Variants in MCRS1 observed in about 807,000 individuals in gnomAD.
MCRS1 encodes 58 kDa microspherule protein.
A neutral mutation model predicts 62.9 loss-of-function variants in MCRS1; 22 were observed. The observed-to-expected ratio is 0.35, with a 90% CI of 0.25 to 0.50. The LOEUF (loss-of-function observed/expected upper bound fraction) is 0.50, where lower values mean the gene tolerates loss of function less well. MCRS1 is among the 20% of genes least tolerant of loss of function. MCRS1 has a pLI of 0.98. For synonymous variants in MCRS1, 244 were observed against 233.5 expected, an observed-to-expected ratio of 1.04 and a Z score of -0.41; for missense variants, 456 against 601.1, an observed-to-expected ratio of 0.76 and a Z score of 2.52.
At chr12:49,563,751 G>A (rs935244509) in intron 6 of MCRS1, among the ~76,000 whole-genome samples, 6 of 152,164 alleles carry the variant, frequency 3.9e-5, no homozygotes, top group African/African-American at 1.4e-4. Flanking sequence ...GAAAACGGAG[G>A]CCCCTATGTC....
At position 49,558,568 on chromosome 12, in the gene MCRS1, G is replaced by C; in HGVS notation, c.*75C>G. 6.7e-7 allele frequency: 1 copy of C among 1,493,904 alleles called. No individual in the cohort carries two copies. The highest frequency in any genetic ancestry group is 9.2e-7 in the Non-Finnish European group (1 of 1,086,938). 92.5% of individuals were successfully genotyped at this position (1,493,904 alleles called of 1,614,324 possible). On this transcript the variant is annotated 3_prime_UTR_variant, in exon 15 of 15. Coordinates refer to ENST00000343810, the MANE Select transcript of MCRS1 (RefSeq NM_006337.5). ...ACTGCCCAGGTTTTTCCAGGAGCCT[G>C]AGTTCCCAGCTCAAGGGGGCTGGAG...
chr12:49,563,231 A>G, intron 7 of MCRS1, 92 bp from the exon 8 acceptor site: 1 of 1,516,606 alleles, frequency 6.6e-7, no homozygotes, highest in Non-Finnish European at 8.9e-7. Flanking sequence ...AGCATCCCCC[A>G]GGAGCTGGAA....
rs1939045804 is a variant in MCRS1, at chr12:49,566,138, C to T, written c.88G>A (p.Gly30Arg). The T allele has an allele frequency of 8.1e-6, 13 of 1,614,242 alleles. No homozygotes were observed. The highest frequency in any genetic ancestry group is 1.1e-5 in the Non-Finnish European group (13 of 1,180,044). The change falls in exon 3 of 15, where the codon GGG becomes AGG. Residue 30 changes from glycine (G) to arginine (R), a missense_variant. Physicochemically the swap from Gly to Arg is moderately radical, Grantham distance 125 (BLOSUM62 -2). Around this residue, in one of 3 missense-constraint regions of MCRS1, gnomAD observed 55 missense variants for 49.3 expected, o/e 1.12. Coordinates refer to ENST00000343810, the MANE Select transcript of MCRS1 (RefSeq NM_006337.5). ...SRSEDEESLA[G>R]QKRASSQALG... ...GCCTGGGAGGAGGCTCGCTTCTGCCCTGCCAGTGACTCCTCATCCTCTGAG... is the reference window on the plus strand; with the variant it reads ...GCCTGGGAGGAGGCTCGCTTCTGCCTTGCCAGTGACTCCTCATCCTCTGAG...
chr12:49,560,902 T>A (rs1373398429), intron 8 of MCRS1, among the ~76,000 whole-genome samples: 1 of 152,176 alleles, frequency 6.6e-6, no homozygotes, highest in African/African-American at 2.4e-5. Context: ...GCCGCCCACC[T>A]TAAGCCAATG....
chr12:49,564,489 G>A lies in MCRS1; in HGVS notation c.549C>T (p.Val183=), dbSNP rs745531796. 1 of 1,612,438 alleles carries A rather than the reference G, an allele frequency of 6.2e-7. No homozygotes were observed. The highest frequency in any genetic ancestry group is 1.7e-5 in the Admixed American group (1 of 59,898). The change falls in exon 6 of 15, where the codon GTC becomes GTT. Residue 183 remains valine, a synonymous_variant. Coordinates refer to ENST00000343810, the MANE Select transcript of MCRS1 (RefSeq NM_006337.5). Reference sequence around the variant, plus strand: ...AACCAGCTCCCACTCACTTGGAGATGACAGGATCGTAGAGCAGGGCGTACC... The same window carrying A: ...AACCAGCTCCCACTCACTTGGAGATAACAGGATCGTAGAGCAGGGCGTACC... ...ERWYALLYDP[V]ISKLACQAMR... is the part of the protein sequence containing the mutation.
intron 1 of MCRS1, 154 bp downstream of exon 1, chr12:49,567,894 A>G (rs1175447843): frequency 6.6e-6 from 1 of 152,198 alleles, no homozygotes. Context: ...GCCAGATTCT[A>G]ACCCGGTCCG....
intron 2 of MCRS1, 177 bp from the exon 3 acceptor site, chr12:49,566,392 T>C (rs1939063534): frequency 1.3e-6 from 2 of 1,575,124 alleles, no homozygotes; most frequent in Admixed American, 1.9e-5. Flanking sequence ...GGCTCAGACC[T>C]GGCCCAGACC....
At position 49,566,075 on chromosome 12, in the gene MCRS1, A is replaced by C. The variant is rs1592530053; in HGVS notation, c.149+2T>G. On this transcript the variant is annotated splice_donor_variant, in intron 3 of 14. Coordinates refer to ENST00000343810, the MANE Select transcript of MCRS1 (RefSeq NM_006337.5). LOFTEE classifies it high-confidence loss of function. ...GTTCCTGGCCCTCCGAACCCTTACT[A>C]CCTGGAGGAGCTTCTCCGTTTAGGG... 1 of 1,613,374 alleles carries C rather than the reference A, an allele frequency of 6.2e-7. No homozygotes were observed. Among genetic ancestry groups the C allele is most frequent in the East Asian group, 2.2e-5 (1 of 44,862 alleles).
In MCRS1 at chr12:49,559,570, T is replaced by C. The variant is rs557620508; in HGVS notation, c.1004-35A>G. 3.9e-4 allele frequency: 631 copies of C among 1,605,436 alleles called. 10 individuals carry two copies. The South Asian group carries it at 6.6e-3, about 17-fold the overall frequency. On this transcript the variant is annotated intron_variant, in intron 11 of 14. Transcript: ENST00000343810. This position sits in a 1 kb window ranked among gnomAD's most constrained non-coding sequence, Gnocchi z 5.2. ...GAGGGAGTTTGGAAGAGCCTACCCC[T>C]GAGGGCCAGAATGCAAGGCAGGGAA...
chr12:49,563,690 C>T, intron 6 of MCRS1, 144 bp from the exon 7 acceptor site: 1 of 631,144 alleles, frequency 1.6e-6, no homozygotes, highest in Non-Finnish European at 2.8e-6. Flanking sequence ...TAAGGCTTAG[C>T]AGATAATCTG....
chr12:49,561,496 G>A (rs1215161774), intron 8 of MCRS1, among the ~76,000 whole-genome samples: 1 of 152,164 alleles, frequency 6.6e-6, no homozygotes, highest in Non-Finnish European at 1.5e-5. Flanking sequence ...CCTATTCCTA[G>A]GGTCTCCTAG....
In MCRS1 at chr12:49,565,560, C is replaced by G; in HGVS notation, c.257G>C (p.Gly86Ala). 1 of 1,608,092 alleles carries G rather than the reference C, an allele frequency of 6.2e-7. No homozygotes were observed. The highest frequency in any genetic ancestry group is 8.5e-7 in the Non-Finnish European group (1 of 1,176,908). ...CTTCTCACTGGAGGAGGGTTCACTC[C>G]CCGAACAGCGCCCTGGTTCCACCCC... Reference protein sequence around the residue: ...ASGVEPGRCSGSEPSSSEKKK... With the variant: ...ASGVEPGRCSASEPSSSEKKK... Residue 86 changes from glycine to alanine, a missense_variant, in exon 4 of 15, where the codon GGG (glycine) becomes GCG (alanine). Physicochemically the swap from Gly to Ala is moderately conservative, Grantham distance 60. Coordinates refer to ENST00000343810, the MANE Select transcript of MCRS1 (RefSeq NM_006337.5).
rs1249371353 is a variant in MCRS1, at chr12:49,566,710, G to A, written c.10+12C>T. 3 of 1,613,938 alleles carry A rather than the reference G, an allele frequency of 1.9e-6. No individual in the cohort carries two copies. Among genetic ancestry groups the A allele is most frequent in the Non-Finnish European group, 2.5e-6 (3 of 1,179,954 alleles). ...CCCGAGCATTTGGGGAGCTGTCCCG[G>A]CCTCATACTACCTTTGTCCATCCTC... On this transcript the variant is annotated intron_variant, in intron 2 of 14. Coordinates refer to ENST00000343810, the MANE Select transcript of MCRS1 (RefSeq NM_006337.5).
chr12:49,565,506 C>T (rs2138201200), intron 4 of MCRS1, 23 bp downstream of exon 4: 9 of 1,563,202 alleles, frequency 5.8e-6, no homozygotes, highest in Non-Finnish European at 6.9e-6. Flanking sequence ...ACCTCCCATC[C>T]CCTAAGTCTC....
chr12:49,562,628 T>C (rs1938829122), intron 8 of MCRS1, among the ~76,000 whole-genome samples: 1 of 152,126 alleles, frequency 6.6e-6, no homozygotes, highest in East Asian at 1.9e-4. Flanking sequence ...AACTGAAGGG[T>C]GGGCAGGAAA....
In MCRS1 at chr12:49,566,361, T is replaced by C. The variant is rs550831539; in HGVS notation, c.11-146A>G. Reference sequence around the variant, plus strand: ...CTTGAGGTTTTAAGGTAGAGTTCCTTGGCCATCCAGATCCCATCTGGGCTC... The same window carrying C: ...CTTGAGGTTTTAAGGTAGAGTTCCTCGGCCATCCAGATCCCATCTGGGCTC... On this transcript the variant is annotated intron_variant, in intron 2 of 14. Coordinates refer to ENST00000343810, the MANE Select transcript of MCRS1 (RefSeq NM_006337.5). 31 of 1,571,046 alleles carry C rather than the reference T, an allele frequency of 2.0e-5. No homozygotes were observed. In the East Asian group the frequency reaches 2.5e-4, roughly 13 times the overall value.
rs1400372672 is a variant in MCRS1, at chr12:49,563,063, G to A, written c.743C>T (p.Ala248Val). The part of the protein sequence containing the change: ...HPDAFYLART[A>V]KALQAHWQLM... Reference sequence around the variant, plus strand: ...CTGCCAGTGGGCCTGCAGGGCCTTCGCGGTACGGGCCAGGTAGAAGGCATC... The same window carrying A: ...CTGCCAGTGGGCCTGCAGGGCCTTCACGGTACGGGCCAGGTAGAAGGCATC... The change falls in exon 8 of 15, where the codon GCG becomes GTG. Residue 248 changes from alanine to valine, a missense_variant. Ala to Val is a moderately conservative substitution (Grantham distance 64). Around this residue, in one of 3 missense-constraint regions of MCRS1, gnomAD observed 393 missense variants for 523.5 expected, o/e 0.75. Transcript: ENST00000343810. The A allele has an allele frequency of 3.2e-6, 5 of 1,579,242 alleles. No individual in the cohort carries two copies. Among genetic ancestry groups the A allele is most frequent in the Non-Finnish European group, 4.3e-6 (5 of 1,160,412 alleles).
intron 1 of MCRS1, 135 bp from the exon 2 acceptor site, chr12:49,566,976 A>T: frequency 1.8e-6 from 1 of 569,218 alleles, no homozygotes; most frequent in South Asian, 2.0e-5. Context: ...ATAAGGCCCC[A>T]CTCTGCCAAT....
chr12:49,566,624 C>T, intron 2 of MCRS1, 98 bp downstream of exon 2: 1 of 1,573,662 alleles, frequency 6.4e-7, no homozygotes, highest in East Asian at 2.3e-5. Context: ...GGTGGCAAGG[C>T]CTAGCCAGGA....
Sources: allele counts gnomAD v4.1 joint callset (sites outside exome capture counted in the v4.1 genomes callset), GRCh38; gene constraint gnomAD v4.1.1; regional missense constraint gnomAD v4.1.1; non-coding constraint Gnocchi (gnomAD v3.1); transcripts MANE v1.5; gene names NCBI Gene and HGNC (gene_info 2026-07-23, HGNC 2026-07-21).